The following TMEM182 variants were observed in gnomAD, a reference collection of about 807,000 sequenced individuals.
TMEM182 encodes transmembrane protein 182.
Under a neutral mutation model 26.8 loss-of-function variants are expected in TMEM182, and 20 were observed. That is an observed-to-expected ratio of 0.75 (90% CI 0.53 to 1.09). The LOEUF (loss-of-function observed/expected upper bound fraction) is 1.09, where lower values mean the gene tolerates loss of function less well. TMEM182 is among the 50% of genes least tolerant of loss of function. The probability of loss-of-function intolerance (pLI) is 0.00; values close to 1 mark genes in which losing one functional copy is unlikely to be tolerated. For synonymous variants in TMEM182, 109 were observed against 102.2 expected (o/e 1.07, Z -0.40); for missense variants, 277 against 275.5 (o/e 1.01, Z -0.04).
At chr2:102,764,918 T>C (rs978836381) in intron 3 of TMEM182, among the ~76,000 whole-genome samples, 2 of 151,830 alleles carry the variant, frequency 1.3e-5, no homozygotes, top group African/African-American at 4.8e-5. Context: ...GTGTGTGTAA[T>C]ATCCCATAGG....
At chr2:102,739,723 CT>C (rs1679492011) in intron 1 of TMEM182, among the ~76,000 whole-genome samples, 1 of 152,176 alleles carries the variant, frequency 6.6e-6, no homozygotes, top group Non-Finnish European at 1.5e-5. Flanking sequence ...CCTGTACAGT[CT>C]GTGGAACTGT....
chr2:102,789,325 C>G (rs1034075786), intron 3 of TMEM182, among the ~76,000 whole-genome samples: 4 of 152,190 alleles, frequency 2.6e-5, no homozygotes, highest in Non-Finnish European at 5.9e-5. Flanking sequence ...ACAACAAAAT[C>G]ACTTATCAAA....
intron 3 of TMEM182, among the ~76,000 whole-genome samples, chr2:102,765,414 G>A (rs561012957): frequency 1.6e-3 from 248 of 152,214 alleles, no homozygotes; most frequent in Middle Eastern, 3.4e-3. Context: ...GATGAGGCCC[G>A]CTCATAGTAT....
At position 102,815,484 on chromosome 2, in the gene TMEM182, A is replaced by G. The variant is rs754456566; in HGVS notation, c.*516A>G. The G allele has an allele frequency of 7.1e-6, 7 of 988,128 alleles. No individual in the cohort carries two copies. Among genetic ancestry groups the G allele is most frequent in the Non-Finnish European group, 8.4e-6 (7 of 831,878 alleles). The allele number at this position is 988,128 out of a possible 1,614,324, so 61.2% of individuals were successfully genotyped here. On this transcript the variant is annotated 3_prime_UTR_variant, in exon 5 of 5. Coordinates refer to ENST00000412401, the MANE Select transcript of TMEM182 (RefSeq NM_144632.5). ...TTTAAAAATAGACAGCAGTTGTTCTAATTAGTGGGAGCCATGTACTCACCA... is the reference window on the plus strand; with the variant it reads ...TTTAAAAATAGACAGCAGTTGTTCTGATTAGTGGGAGCCATGTACTCACCA...
At chr2:102,805,172 A>G (rs1682300527) in intron 4 of TMEM182, among the ~76,000 whole-genome samples, 1 of 152,188 alleles carries the variant, frequency 6.6e-6, no homozygotes, top group Non-Finnish European at 1.5e-5. Flanking sequence ...TCTTTCTCTG[A>G]TTCTTCCTTG....
At chr2:102,791,639 C>G (rs1681642943) in intron 3 of TMEM182, among the ~76,000 whole-genome samples, 1 of 152,172 alleles carries the variant, frequency 6.6e-6, no homozygotes, top group Non-Finnish European at 1.5e-5. Flanking sequence ...TTAATCCTTT[C>G]ACAGATTCAC....
At chr2:102,833,465 G>T (rs1175270972) in intron 3 of TMEM182, among the ~76,000 whole-genome samples, 5 of 152,080 alleles carry the variant, frequency 3.3e-5, no homozygotes, top group African/African-American at 1.2e-4. Flanking sequence ...ACGTATAGAG[G>T]AGTTGCAAAG....
At chr2:102,777,860 G>T (rs1293516912) in intron 3 of TMEM182, among the ~76,000 whole-genome samples, 2 of 150,064 alleles carry the variant, frequency 1.3e-5, no homozygotes, top group Non-Finnish European at 3.0e-5. Flanking sequence ...ATTCAATTGT[G>T]GGCAAAGAAC....
At chr2:102,824,140 G>T (rs1044295577) in intron 3 of TMEM182, among the ~76,000 whole-genome samples, 1 of 152,200 alleles carries the variant, frequency 6.6e-6, no homozygotes, top group African/African-American at 2.4e-5. Flanking sequence ...AAGAGGTGAC[G>T]TGGGAGAAGA....
intron 4 of TMEM182, among the ~76,000 whole-genome samples, chr2:102,802,018 C>T (rs908808833): frequency 1.1e-4 from 16 of 152,338 alleles, no homozygotes; most frequent in Non-Finnish European, 2.4e-4. Flanking sequence ...CTTGAGGCTT[C>T]CATGCCAACC....
chr2:102,771,038 C>T (rs980786436), intron 3 of TMEM182, among the ~76,000 whole-genome samples: 1 of 152,124 alleles, frequency 6.6e-6, no homozygotes, highest in African/African-American at 2.4e-5. Context: ...GTAGCTGGGT[C>T]TTATTTATCA....
chr2:102,817,759 G>A (rs182200667), downstream of TMEM182: 531 of 950,894 alleles, frequency 5.6e-4, 1 homozygote, highest in African/African-American at 6.9e-3. Context: ...ATATTTGTGT[G>A]TATGTAAGTG....
intron 3 of TMEM182, among the ~76,000 whole-genome samples, chr2:102,828,699 T>C (rs909528679): frequency 5.9e-5 from 9 of 152,096 alleles, no homozygotes; most frequent in African/African-American, 2.2e-4. Context: ...TCTGACCAAG[T>C]CTCCACACTA....
chr2:102,798,524 T>A (rs764447905), intron 4 of TMEM182, among the ~76,000 whole-genome samples: 7 of 152,208 alleles, frequency 4.6e-5, no homozygotes, highest in Non-Finnish European at 8.8e-5. Context: ...TTTTTCTACA[T>A]CACTCCCATT....
At chr2:102,807,491 A>G (rs1682391329) in intron 4 of TMEM182, among the ~76,000 whole-genome samples, 2 of 152,262 alleles carry the variant, frequency 1.3e-5, no homozygotes. Flanking sequence ...CTAATTTTTC[A>G]AAAACACAAT....
chr2:102,816,576 A>C lies in TMEM182; in HGVS notation c.*1608A>C. The C allele has an allele frequency of 2.0e-6, 2 of 984,576 alleles. No homozygotes were observed. Among genetic ancestry groups the C allele is most frequent in the Non-Finnish European group, 2.4e-6 (2 of 829,622 alleles). The allele number at this position is 984,576 out of a possible 1,614,324, so 61.0% of individuals were successfully genotyped here. Reference sequence around the variant, plus strand: ...CTCCAGAGGCCTAACTGGTTTCTCAAGTCATTTCAGTGATATCATTGAAAC... The same window carrying C: ...CTCCAGAGGCCTAACTGGTTTCTCACGTCATTTCAGTGATATCATTGAAAC... On this transcript the variant is annotated 3_prime_UTR_variant, in exon 5 of 5. Transcript: ENST00000412401.
rs972278681 is a variant in TMEM182 at position 102,816,515 on chromosome 2, A to ATAAT, written c.*1548_*1551dup. 3.0e-5 allele frequency: 28 copies of ATAAT among 937,116 alleles called. No individual in the cohort carries two copies. Among genetic ancestry groups the ATAAT allele is most frequent in the Non-Finnish European group, 3.4e-5 (27 of 788,700 alleles). 58.1% of individuals were successfully genotyped at this position (937,116 alleles called of 1,614,324 possible). A position where few individuals can be genotyped will look rare whatever the true frequency, so the allele number is the denominator to read the frequency against. ...ATTTTCATGACAGGACTTGCCAATA[A>ATAAT]TAATAATAATAATAATAATAATAAT... On this transcript the variant is annotated 3_prime_UTR_variant, in exon 5 of 5. Coordinates refer to ENST00000412401, the MANE Select transcript of TMEM182 (RefSeq NM_144632.5).
intron 3 of TMEM182, among the ~76,000 whole-genome samples, chr2:102,833,691 C>T (rs1338624292): frequency 6.6e-6 from 1 of 152,168 alleles, no homozygotes; most frequent in Non-Finnish European, 1.5e-5. Context: ...GTTGCAATGT[C>T]TCCTTATTCT....
intron 3 of TMEM182, among the ~76,000 whole-genome samples, chr2:102,790,765 C>A (rs1681602537): frequency 6.6e-6 from 1 of 152,172 alleles, no homozygotes. Context: ...TTGACCTATG[C>A]TTGAATCTGA....
Sources: allele counts gnomAD v4.1 joint callset (sites outside exome capture counted in the v4.1 genomes callset), GRCh38; gene constraint gnomAD v4.1.1; transcripts MANE v1.5; gene names NCBI Gene and HGNC (gene_info 2026-07-23, HGNC 2026-07-21).